The following KCNAB1 variants were observed in gnomAD, a reference collection of about 807,000 sequenced individuals.
KCNAB1 encodes potassium voltage-gated channel subfamily A regulatory beta subunit 1.
Under a neutral mutation model 64.6 loss-of-function variants are expected in KCNAB1, and 35 were observed. That is an observed-to-expected ratio of 0.54 (90% CI 0.41 to 0.72). The LOEUF (loss-of-function observed/expected upper bound fraction) is 0.72. KCNAB1 is among the 30% of genes least tolerant of loss of function. KCNAB1 has a pLI of 0.00. For synonymous variants in KCNAB1, 177 were observed against 183.8 expected (o/e 0.96, Z 0.30); for missense variants, 401 against 512.9 (o/e 0.78, Z 2.11).
intron 8 of KCNAB1, among the ~76,000 whole-genome samples, chr3:156,501,953 C>A (rs764251342): frequency 6.6e-6 from 1 of 152,084 alleles, no homozygotes; most frequent in East Asian, 1.9e-4. Flanking sequence ...CCTACCATAT[C>A]TTGTGAGACT....
chr3:156,369,568 G>A (rs956100395), intron 1 of KCNAB1, among the ~76,000 whole-genome samples: 3 of 152,142 alleles, frequency 2.0e-5, no homozygotes, highest in African/African-American at 7.2e-5. Flanking sequence ...GAGAGAAGCA[G>A]CAAAATAAGA....
intron 1 of KCNAB1, among the ~76,000 whole-genome samples, chr3:156,304,798 A>C (rs1476308732): frequency 2.0e-5 from 3 of 152,218 alleles, no homozygotes; most frequent in Non-Finnish European, 1.5e-5. Context: ...AAGCTATTAG[A>C]AATCTGCCTC....
At chr3:156,395,789 A>G (rs997050340) in intron 1 of KCNAB1, among the ~76,000 whole-genome samples, 15 of 152,050 alleles carry the variant, frequency 9.9e-5, no homozygotes, top group Non-Finnish European at 4.4e-5. Flanking sequence ...TATTCTGAAA[A>G]TGGTATGTGG....
At chr3:156,504,450 T>C (rs147162274) in intron 8 of KCNAB1, among the ~76,000 whole-genome samples, 1 of 152,338 alleles carries the variant, frequency 6.6e-6, no homozygotes, top group Non-Finnish European at 1.5e-5. Flanking sequence ...ATGGATCATA[T>C]GGTAGTTCTA....
chr3:156,527,194 C>T (rs1276594977), intron 12 of KCNAB1, among the ~76,000 whole-genome samples: 1 of 152,174 alleles, frequency 6.6e-6, no homozygotes, highest in African/African-American at 2.4e-5. Context: ...AACTCTACAG[C>T]TTTAACAAGC....
chr3:156,167,261 A>C (rs545522069), intron 1 of KCNAB1, among the ~76,000 whole-genome samples: 1 of 152,150 alleles, frequency 6.6e-6, no homozygotes, highest in Non-Finnish European at 1.5e-5. Context: ...TGGCATGTCT[A>C]TCAGACGGTG....
intron 1 of KCNAB1, among the ~76,000 whole-genome samples, chr3:156,257,335 T>G (rs560852275): frequency 1.3e-5 from 2 of 152,308 alleles, no homozygotes; most frequent in Admixed American, 6.5e-5. Context: ...GCTTAGCAAC[T>G]TCCTTTATCA....
intron 1 of KCNAB1, among the ~76,000 whole-genome samples, chr3:156,214,153 G>A (rs1715174220): frequency 6.6e-6 from 1 of 152,100 alleles, no homozygotes; most frequent in African/African-American, 2.4e-5. Flanking sequence ...CATTTTATTT[G>A]TATCCTTTAA....
intron 1 of KCNAB1, among the ~76,000 whole-genome samples, chr3:156,224,774 A>T (rs1716042007): frequency 6.6e-6 from 1 of 152,238 alleles, no homozygotes; most frequent in South Asian, 2.1e-4. Context: ...ACAAAACATT[A>T]TTCAAGGCTG....
At position 156,375,853 on chromosome 3, in the gene KCNAB1, T is replaced by G. The variant is rs1041147639; in HGVS notation, c.276-45763T>G. On this transcript the variant is annotated intron_variant, in intron 1 of 13. Coordinates refer to ENST00000490337, the MANE Select transcript of KCNAB1 (RefSeq NM_172160.3). ...TTTTGTGTGTGTGTTGGAGTGCCAC[T>G]CTGTCACCCAGGCTGGAGTGCAATG... is the stretch of plus-strand genomic sequence containing the variant. Among the ~76,000 whole-genome samples, 5 of 143,816 alleles carry G rather than the reference T, an allele frequency of 3.5e-5. 1 individual carries two copies. Among genetic ancestry groups the G allele is most frequent in the Non-Finnish European group, 7.5e-5 (5 of 66,662 alleles). 94.3% of individuals were successfully genotyped at this position (143,816 alleles called of 152,430 possible). A position where few individuals can be genotyped will look rare whatever the true frequency, so the allele number is the denominator to read the frequency against.
intron 1 of KCNAB1, among the ~76,000 whole-genome samples, chr3:156,407,708 C>T (rs541217609): frequency 4.1e-4 from 62 of 152,294 alleles, no homozygotes; most frequent in African/African-American, 1.2e-3. Context: ...TTCTTCCAAG[C>T]GTTCCTTTCC....
chr3:156,460,108 G>T, intron 5 of KCNAB1: 1 of 441,170 alleles, frequency 2.3e-6, no homozygotes, highest in South Asian at 4.6e-5. Context: ...AGAGAAGGGG[G>T]GGATGTTCAT....
At chr3:156,162,609 A>G (rs1716147116) in intron 1 of KCNAB1, among the ~76,000 whole-genome samples, 1 of 152,134 alleles carries the variant, frequency 6.6e-6, no homozygotes, top group African/African-American at 2.4e-5. Flanking sequence ...TCTCTCATAG[A>G]CCTGTGATGT....
chr3:156,166,554 C>CAG (rs1293452222), intron 1 of KCNAB1, among the ~76,000 whole-genome samples: 1 of 151,556 alleles, frequency 6.6e-6, no homozygotes, highest in African/African-American at 2.4e-5. Flanking sequence ...CACACACACA[C>CAG]AGATAGGCAA....
chr3:156,118,451 T>C (rs866144900), upstream of KCNAB1: 69 of 343,010 alleles, frequency 2.0e-4, no homozygotes, highest in Middle Eastern at 2.3e-3. Flanking sequence ...ACGTTTTACA[T>C]TGAAGTAGTG....
chr3:156,391,609 G>A (rs143730737), intron 1 of KCNAB1, among the ~76,000 whole-genome samples: 304 of 152,298 alleles, frequency 2.0e-3, no homozygotes, highest in African/African-American at 7.1e-3. Context: ...CAAAATGTGG[G>A]AGGGAGAATT....
At chr3:156,344,874 G>A (rs1164692394) in intron 1 of KCNAB1, among the ~76,000 whole-genome samples, 2 of 152,102 alleles carry the variant, frequency 1.3e-5, no homozygotes, top group African/African-American at 4.8e-5. Flanking sequence ...TTGGGCATCC[G>A]TGACATATGC....
intron 1 of KCNAB1, chr3:156,291,671 G>T: frequency 7.2e-7 from 1 of 1,394,000 alleles, no homozygotes; most frequent in South Asian, 1.6e-5. Flanking sequence ...TGACAACTTC[G>T]GGGCCGTCTG....
At chr3:156,120,414 A>C (rs1227779394), upstream of KCNAB1, 3 of 659,242 alleles carry the variant, frequency 4.6e-6, no homozygotes, top group Non-Finnish European at 7.9e-6. Flanking sequence ...GGTATTGGCC[A>C]GCTTACCTCT....
Sources: allele counts gnomAD v4.1 joint callset (sites outside exome capture counted in the v4.1 genomes callset), GRCh38; gene constraint gnomAD v4.1.1; transcripts MANE v1.5; gene names NCBI Gene and HGNC (gene_info 2026-07-23, HGNC 2026-07-21).